The following SLC25A48 variants were observed in gnomAD, a reference collection of about 807,000 sequenced individuals.
SLC25A48 encodes the protein solute carrier family 25 member 48, also known as CTC-321K16.1.
Under a neutral mutation model 32.2 loss-of-function variants are expected in SLC25A48, and 29 were observed. The ratio of observed to expected loss-of-function variants is 0.90; its 90% CI spans 0.67 to 1.23. The LOEUF is 1.23. SLC25A48 is among the 50% of genes most tolerant of loss of function. SLC25A48 has a pLI of 0.00. For missense variants in SLC25A48, 399 were observed against 422.7 expected (o/e 0.94, Z 0.49); for synonymous variants, 164 against 172.3 (o/e 0.95, Z 0.38).
Position 135,687,883 on chromosome 5 carries a change from A to G in SLC25A48, c.-521+52927A>G, listed in dbSNP as rs541332368. On this transcript the variant is annotated intron_variant, in intron 3 of 10. Transcript: ENST00000646290. ...TTACTTTTCTGGGGTCTTTTTTCCCAATTATTTTTAAATTGTGGTAAAATG... is the reference window on the plus strand; with the variant it reads ...TTACTTTTCTGGGGTCTTTTTTCCCGATTATTTTTAAATTGTGGTAAAATG... 3.2e-4 allele frequency among the ~76,000 whole-genome samples: 49 copies of G among 152,208 alleles called. No homozygotes were observed. In the South Asian group the frequency reaches 1.0e-2, roughly 31 times the overall value.
intron 2 of SLC25A48, among the ~76,000 whole-genome samples, chr5:135,632,902 G>A (rs1393592161): frequency 6.6e-6 from 1 of 152,146 alleles, no homozygotes; most frequent in Non-Finnish European, 1.5e-5. Flanking sequence ...TGCTTCAATA[G>A]CGTCTATTTT....
chr5:135,776,833 C>A (rs1343072965), intron 3 of SLC25A48, among the ~76,000 whole-genome samples: 1 of 151,632 alleles, frequency 6.6e-6, no homozygotes, highest in Non-Finnish European at 1.5e-5. Flanking sequence ...TCATACTACT[C>A]CCAATATCAA....
At chr5:135,749,736 C>T (rs1473090455) in intron 3 of SLC25A48, among the ~76,000 whole-genome samples, 10 of 152,122 alleles carry the variant, frequency 6.6e-5, no homozygotes, top group East Asian at 3.9e-4. Flanking sequence ...CGATTAGAGG[C>T]GCACACCACC....
chr5:135,880,142 GA>G, intron 7 of SLC25A48, 45 bp downstream of exon 7: 1 of 1,490,742 alleles, frequency 6.7e-7, no homozygotes, highest in Non-Finnish European at 8.9e-7. Context: ...CCAGGAACTT[GA>G]AACTTTTTTT....
intron 3 of SLC25A48, among the ~76,000 whole-genome samples, chr5:135,749,834 C>T (rs7712904): frequency 0.033 from 4,956 of 152,156 alleles, 251 homozygotes; most frequent in African/African-American, 0.11. Context: ...TCAGGTGATC[C>T]GCCTGCCTCG....
intron 1 of SLC25A48, among the ~76,000 whole-genome samples, chr5:135,581,364 C>T (rs745820829): frequency 1.3e-5 from 2 of 152,212 alleles, no homozygotes; most frequent in Non-Finnish European, 2.9e-5. Flanking sequence ...TACATTGGAT[C>T]AGCCCTCAGA....
intron 3 of SLC25A48, among the ~76,000 whole-genome samples, chr5:135,683,912 T>C (rs1253366187): frequency 6.6e-6 from 1 of 152,184 alleles, no homozygotes; most frequent in East Asian, 1.9e-4. Flanking sequence ...CTCCCTGCAG[T>C]GTCAGCAGGC....
chr5:135,774,604 G>A (rs75161977), intron 3 of SLC25A48, among the ~76,000 whole-genome samples: 1 of 151,700 alleles, frequency 6.6e-6, no homozygotes, highest in Non-Finnish European at 1.5e-5. Context: ...TTCTGATATT[G>A]TTCCTATTAT....
At chr5:135,590,400 A>C (rs903683116) in intron 1 of SLC25A48, among the ~76,000 whole-genome samples, 1 of 152,220 alleles carries the variant, frequency 6.6e-6, no homozygotes, top group Non-Finnish European at 1.5e-5. Flanking sequence ...GGCCCCAGCC[A>C]GCCTGCAGGG....
At chr5:135,646,538 A>G (rs1054895978) in intron 3 of SLC25A48, among the ~76,000 whole-genome samples, 2 of 151,856 alleles carry the variant, frequency 1.3e-5, no homozygotes, top group African/African-American at 4.8e-5. Context: ...TAGTCTCCAT[A>G]AAGTTTTTGG....
chr5:135,585,407 G>T (rs1042547824), intron 1 of SLC25A48, among the ~76,000 whole-genome samples: 1 of 152,126 alleles, frequency 6.6e-6, no homozygotes, highest in African/African-American at 2.4e-5. Flanking sequence ...CCTGACTCCC[G>T]TCCTAGCCCC....
intron 4 of SLC25A48, among the ~76,000 whole-genome samples, chr5:135,869,667 C>T (rs543384546): frequency 2.4e-4 from 36 of 152,240 alleles, no homozygotes; most frequent in East Asian, 7.7e-4. Context: ...TTCTGTCTAA[C>T]GGCAGAATTT....
At chr5:135,620,826 G>A (rs1752309234) in intron 1 of SLC25A48, among the ~76,000 whole-genome samples, 1 of 152,042 alleles carries the variant, frequency 6.6e-6, no homozygotes, top group East Asian at 1.9e-4. Flanking sequence ...GTCATACTTG[G>A]GGCTGCGAGA....
chr5:135,646,869 CA>C (rs1300928151), intron 3 of SLC25A48, among the ~76,000 whole-genome samples: 1 of 151,196 alleles, frequency 6.6e-6, no homozygotes, highest in African/African-American at 2.4e-5. Context: ...TTCAATTATA[CA>C]GGATGAATAG....
chr5:135,641,561 A>G (rs1031258953), intron 3 of SLC25A48, among the ~76,000 whole-genome samples: 4 of 152,200 alleles, frequency 2.6e-5, no homozygotes, highest in African/African-American at 9.6e-5. Flanking sequence ...GTCAGTTCTT[A>G]TTAATACTAA....
At chr5:135,608,937 G>C (rs1489457568) in intron 1 of SLC25A48, among the ~76,000 whole-genome samples, 1 of 152,232 alleles carries the variant, frequency 6.6e-6, no homozygotes, top group African/African-American at 2.4e-5. Flanking sequence ...AAGGTGTCTT[G>C]TCTTGGCCCT....
In SLC25A48 at chr5:135,652,641, A is replaced by C. The variant is rs115988677; in HGVS notation, c.-521+17685A>C. ...AAAGGATTGGGTTCTGTCTTAAAGG[A>C]CATAGTATATGCTTTGAGTCAGAGA... On this transcript the variant is annotated intron_variant, in intron 3 of 10. Coordinates refer to the SLC25A48 transcript ENST00000646290. Among the ~76,000 whole-genome samples, 613 of 152,338 alleles carry C rather than the reference A, an allele frequency of 4.0e-3. 6 individuals are homozygous for C. The highest frequency in any genetic ancestry group is 0.014 in the African/African-American group (583 of 41,574).
At chr5:135,804,502 G>T (rs920041322) in intron 3 of SLC25A48, among the ~76,000 whole-genome samples, 2 of 151,618 alleles carry the variant, frequency 1.3e-5, no homozygotes, top group Admixed American at 1.3e-4. Context: ...ATCATAGAGG[G>T]TGTACACCCT....
In SLC25A48 at chr5:135,850,737, G is replaced by A. The variant is rs149601861; in HGVS notation, c.162+241G>A. On this transcript the variant is annotated intron_variant, in intron 3 of 7. Transcript: ENST00000681962. ...TCCAGTTGTGTGTAACCTCTGTGGAGAAATCCTGAAGAATCTGGAGCTGCA... is the reference window on the plus strand; with the variant it reads ...TCCAGTTGTGTGTAACCTCTGTGGAAAAATCCTGAAGAATCTGGAGCTGCA... Among the ~76,000 whole-genome samples the A allele has an allele frequency of 8.5e-5, 13 of 152,364 alleles. No homozygotes were observed. In the East Asian group the frequency reaches 2.5e-3, roughly 29 times the overall value.
Sources: gnomAD v4.1 joint callset for allele counts (sites outside exome capture counted in the v4.1 genomes callset) on GRCh38, gnomAD v4.1.1 for gene constraint, MANE v1.5 for transcripts, NCBI Gene and HGNC (gene_info 2026-07-23, HGNC 2026-07-21) for gene names.